The following PRELID2 variants were observed in gnomAD, a reference collection of about 807,000 sequenced individuals.
PRELID2 encodes PRELI domain containing 2.
Under a neutral mutation model 28.4 loss-of-function variants are expected in PRELID2, and 25 were observed. The ratio of observed to expected loss-of-function variants is 0.88; its 90% CI spans 0.64 to 1.23. PRELID2 has a LOEUF of 1.23. Ranked by LOEUF, PRELID2 falls within the 50% of genes most tolerant of loss-of-function variation. The probability of loss-of-function intolerance (pLI) is 0.00; values close to 1 mark genes in which losing one functional copy is unlikely to be tolerated. For missense variants in PRELID2, 201 were observed against 214.4 expected (o/e 0.94, Z 0.39); for synonymous variants, 76 against 71.6 (o/e 1.06, Z -0.31).
At chr5:145,803,730 T>G (rs888834967) in intron 4 of PRELID2, among the ~76,000 whole-genome samples, 1 of 54,180 alleles carries the variant, frequency 1.8e-5, no homozygotes, top group African/African-American at 7.4e-5. Flanking sequence ...TATTCCAATT[T>G]AAAGTAAAAA....
chr5:145,800,301 TACACACACACACACAC>T (rs10555229), intron 4 of PRELID2, among the ~76,000 whole-genome samples: 1 of 138,478 alleles, frequency 7.2e-6, no homozygotes, highest in South Asian at 2.5e-4. Context: ...CCCCTTCTCT[TACACACACACACACAC>T]ACACACACAC....
chr5:145,233,784 T>C, the PRELID2 span, among the ~76,000 whole-genome samples: 1 of 152,174 alleles, frequency 6.6e-6, no homozygotes, highest in Admixed American at 6.5e-5. Context: ...AGCAATTCTA[T>C]TAACAAAGGC....
At chr5:145,281,491 T>C in the PRELID2 span, among the ~76,000 whole-genome samples, 1 of 152,176 alleles carries the variant, frequency 6.6e-6, no homozygotes, top group Non-Finnish European at 1.5e-5. Flanking sequence ...TTTCAATAAG[T>C]GACCCTATAG....
chr5:145,722,199 G>C (rs1756008770), intron 1 of PRELID2, among the ~76,000 whole-genome samples: 1 of 152,032 alleles, frequency 6.6e-6, no homozygotes, highest in Admixed American at 6.6e-5. Flanking sequence ...AAAAAAATCG[G>C]TAAGTCACAA....
chr5:145,614,133 A>G (rs539912524), intron 1 of PRELID2, among the ~76,000 whole-genome samples: 3 of 152,138 alleles, frequency 2.0e-5, no homozygotes, highest in Admixed American at 6.5e-5. Flanking sequence ...GGCTGTAAGT[A>G]TTTGGGTTTA....
the PRELID2 span, among the ~76,000 whole-genome samples, chr5:145,343,269 T>C: frequency 1.8e-3 from 280 of 152,092 alleles, 7 homozygotes; most frequent in East Asian, 0.044. Flanking sequence ...CCACATGTTA[T>C]AGGCCACAAA....
chr5:145,326,005 T>C, the PRELID2 span, among the ~76,000 whole-genome samples: 1 of 152,052 alleles, frequency 6.6e-6, no homozygotes, highest in Non-Finnish European at 1.5e-5. Context: ...AACACACAAT[T>C]GGAAGACTCA....
the PRELID2 span, among the ~76,000 whole-genome samples, chr5:145,459,008 A>T: frequency 2.2e-4 from 33 of 152,198 alleles, no homozygotes; most frequent in Admixed American, 4.6e-4. Flanking sequence ...TCTGCTATGA[A>T]ACTCCTTGGG....
the PRELID2 span, among the ~76,000 whole-genome samples, chr5:145,309,769 TGAA>T: frequency 6.6e-6 from 1 of 152,144 alleles, no homozygotes. Flanking sequence ...TTATGGAAGA[TGAA>T]GTTGGTGGAG....
intron 4 of PRELID2, among the ~76,000 whole-genome samples, chr5:145,816,723 T>C (rs762841748): frequency 6.6e-6 from 1 of 152,218 alleles, no homozygotes; most frequent in Admixed American, 6.5e-5. Context: ...ATATTAACTG[T>C]TTTAAATCTA....
chr5:145,248,010 C>T, the PRELID2 span, among the ~76,000 whole-genome samples: 5 of 152,008 alleles, frequency 3.3e-5, no homozygotes, highest in African/African-American at 7.2e-5. Context: ...GAGTCACAGG[C>T]GTCCCTGAAG....
intron 1 of PRELID2, chr5:145,728,326 C>T: frequency 3.0e-6 from 1 of 334,440 alleles, no homozygotes; most frequent in East Asian, 6.8e-5. Flanking sequence ...CTATCTATCT[C>T]TATTTATCTC....
the PRELID2 span, among the ~76,000 whole-genome samples, chr5:145,322,088 T>C: frequency 1.3e-4 from 20 of 152,254 alleles, no homozygotes; most frequent in African/African-American, 4.8e-4. Context: ...AAATAAATAT[T>C]AATAGCTCTT....
the PRELID2 span, among the ~76,000 whole-genome samples, chr5:145,232,338 A>G: frequency 6.6e-6 from 1 of 152,138 alleles, no homozygotes; most frequent in African/African-American, 2.4e-5. Context: ...AAATGAAGAA[A>G]CTGAACCTTG....
the PRELID2 span, among the ~76,000 whole-genome samples, chr5:145,255,312 A>G: frequency 6.6e-6 from 1 of 152,110 alleles, no homozygotes; most frequent in South Asian, 2.1e-4. Context: ...AATCCAGTGG[A>G]AAAAAAATAC....
chr5:145,440,726 G>A, the PRELID2 span: 2 of 152,016 alleles, frequency 1.3e-5, no homozygotes, highest in Non-Finnish European at 1.5e-5. Context: ...GCTTCCTGGG[G>A]GCTGGGAAAC....
chr5:145,470,576 A>T (rs1454926434), downstream of PRELID2, among the ~76,000 whole-genome samples: 1 of 152,120 alleles, frequency 6.6e-6, no homozygotes, highest in Non-Finnish European at 1.5e-5. Context: ...GCCCTTGCTT[A>T]TGGAGCTGGG....
At chr5:145,359,348 A>C in the PRELID2 span, among the ~76,000 whole-genome samples, 1 of 152,162 alleles carries the variant, frequency 6.6e-6, no homozygotes, top group Non-Finnish European at 1.5e-5. Flanking sequence ...ATAAGACTGA[A>C]CCACAGCCAT....
chr5:145,823,935 G>A (rs1229142403), intron 1 of PRELID2, among the ~76,000 whole-genome samples: 3 of 152,072 alleles, frequency 2.0e-5, no homozygotes, highest in African/African-American at 7.2e-5. Context: ...GAAAAATAAG[G>A]CTTAGACAAA....
Sources: allele counts gnomAD v4.1 joint callset (sites outside exome capture counted in the v4.1 genomes callset), GRCh38; gene constraint gnomAD v4.1.1; transcripts MANE v1.5; gene names NCBI Gene and HGNC (gene_info 2026-07-23, HGNC 2026-07-21).